KCNMB2: variants seen among roughly 807,000 people sequenced by gnomAD.
KCNMB2 encodes the protein calcium-activated potassium channel subunit beta-2.
Under a neutral mutation model 24.5 loss-of-function variants are expected in KCNMB2, and 9 were observed. The ratio of observed to expected loss-of-function variants is 0.37; its 90% confidence interval spans 0.22 to 0.64. KCNMB2 has a LOEUF of 0.64. Among genes scored for constraint, KCNMB2 ranks in the 30% least tolerant of loss-of-function variants. KCNMB2 has a pLI of 0.63. For missense variants in KCNMB2, 226 were observed against 284.3 expected (o/e 0.79, Z 1.47); for synonymous variants, 109 against 104.4 (o/e 1.04, Z -0.27).
chr3:178,808,922 G>A (rs182296248), intron 2 of KCNMB2, among the ~76,000 whole-genome samples: 4 of 152,192 alleles, frequency 2.6e-5, no homozygotes, highest in Admixed American at 2.0e-4. Flanking sequence ...TAGCCCAGAA[G>A]GCAAATAATG....
chr3:178,676,328 T>A (rs763867745), intron 1 of KCNMB2, among the ~76,000 whole-genome samples: 2 of 152,152 alleles, frequency 1.3e-5, no homozygotes, highest in Non-Finnish European at 2.9e-5. Flanking sequence ...TACAGTCTAA[T>A]CCTTGGCAGA....
chr3:178,779,005 G>A (rs1485179135), intron 1 of KCNMB2, among the ~76,000 whole-genome samples: 1 of 152,166 alleles, frequency 6.6e-6, no homozygotes, highest in Non-Finnish European at 1.5e-5. Context: ...TGAGGGGAAA[G>A]GATGAAGAAA....
intron 1 of KCNMB2, among the ~76,000 whole-genome samples, chr3:178,718,289 G>A (rs141139025): frequency 7.2e-5 from 11 of 152,276 alleles, no homozygotes; most frequent in South Asian, 4.1e-4. Context: ...CAGGTGTTAC[G>A]TTCCATTGCA....
chr3:178,540,465 T>C (rs1715579388), intron 1 of KCNMB2, among the ~76,000 whole-genome samples: 1 of 152,254 alleles, frequency 6.6e-6, no homozygotes, highest in African/African-American at 2.4e-5. Flanking sequence ...TCTTTCTGTA[T>C]GACTGCAGAC....
At chr3:178,725,912 A>G (rs1185391355) in intron 1 of KCNMB2, among the ~76,000 whole-genome samples, 1 of 151,688 alleles carries the variant, frequency 6.6e-6, no homozygotes, top group Non-Finnish European at 1.5e-5. Context: ...TCTATGTTTT[A>G]GTTGGTATAT....
At chr3:178,639,848 T>C (rs1049838864) in intron 1 of KCNMB2, among the ~76,000 whole-genome samples, 3 of 152,246 alleles carry the variant, frequency 2.0e-5, no homozygotes, top group African/African-American at 4.8e-5. Context: ...GTTTTTTCAA[T>C]TTTTAAATCA....
In KCNMB2 at chr3:178,828,621, G is replaced by A. The variant is rs531440371; in HGVS notation, c.423+248G>A. ...TTAGCTTTCACTTCCATTTGAAAGG[G>A]TAAATATTAATATATCTTTACACAA... On this transcript the variant is annotated intron_variant, in intron 4 of 4. Coordinates refer to ENST00000452583, the MANE Select transcript of KCNMB2 (RefSeq NM_181361.3). Among the ~76,000 whole-genome samples, 4 of 152,230 alleles carry A rather than the reference G, an allele frequency of 2.6e-5. No homozygotes were observed. The East Asian group carries it at 5.8e-4, about 22-fold the overall frequency.
intron 3 of KCNMB2, among the ~76,000 whole-genome samples, chr3:178,826,274 A>G (rs4257521): frequency 0.63 from 96,106 of 151,968 alleles, 31,856 homozygotes; most frequent in African/African-American, 0.83. Flanking sequence ...AAATGCTAAT[A>G]CCCAGCCCCC....
chr3:178,774,610 CTG>C (rs1212113737), intron 1 of KCNMB2, among the ~76,000 whole-genome samples: 4 of 152,176 alleles, frequency 2.6e-5, no homozygotes, highest in Non-Finnish European at 5.9e-5. Flanking sequence ...CTGGCCAGAT[CTG>C]TGTAACAGAA....
intron 4 of KCNMB2, among the ~76,000 whole-genome samples, chr3:178,835,854 A>T (rs926652534): frequency 6.6e-6 from 1 of 151,922 alleles, no homozygotes; most frequent in Non-Finnish European, 1.5e-5. Flanking sequence ...TTCTCAATTC[A>T]TTTCATCACC....
chr3:178,794,928 A>G (rs142737846), intron 1 of KCNMB2, among the ~76,000 whole-genome samples: 119 of 152,280 alleles, frequency 7.8e-4, no homozygotes, highest in African/African-American at 2.7e-3. Context: ...ATGCCTGGCT[A>G]TTGTGGGAGA....
chr3:178,717,083 T>A (rs965957309), intron 1 of KCNMB2, among the ~76,000 whole-genome samples: 19 of 151,146 alleles, frequency 1.3e-4, no homozygotes, highest in African/African-American at 4.6e-4. Context: ...ACTATTCAAG[T>A]TCCAACATGT....
intron 1 of KCNMB2, among the ~76,000 whole-genome samples, chr3:178,783,920 G>A (rs969378555): frequency 3.0e-4 from 45 of 152,166 alleles, no homozygotes; most frequent in Non-Finnish European, 6.3e-4. Flanking sequence ...TATGATATTG[G>A]CTGTGGGTTT....
At chr3:178,743,007 C>T (rs113330274) in intron 1 of KCNMB2, among the ~76,000 whole-genome samples, 1 of 152,084 alleles carries the variant, frequency 6.6e-6, no homozygotes, top group East Asian at 1.9e-4. Context: ...ACAAGAAACA[C>T]TATTTTGAGG....
intron 1 of KCNMB2, among the ~76,000 whole-genome samples, chr3:178,804,567 A>G (rs1713892102): frequency 6.6e-6 from 1 of 152,168 alleles, no homozygotes; most frequent in African/African-American, 2.4e-5. Flanking sequence ...TATATATTTA[A>G]TCTCCCTCTT....
chr3:178,622,753 C>A (rs978047389), intron 1 of KCNMB2, among the ~76,000 whole-genome samples: 4 of 152,172 alleles, frequency 2.6e-5, no homozygotes, highest in Non-Finnish European at 5.9e-5. Context: ...TCCAGGCGCC[C>A]CTGCTGACTT....
At chr3:178,833,163 A>C (rs1452841493) in intron 4 of KCNMB2, among the ~76,000 whole-genome samples, 4 of 152,134 alleles carry the variant, frequency 2.6e-5, no homozygotes, top group Non-Finnish European at 4.4e-5. Context: ...GGACCTATCT[A>C]TTTCAGGCTG....
chr3:178,650,917 A>G (rs1175088831), intron 1 of KCNMB2, among the ~76,000 whole-genome samples: 2 of 152,242 alleles, frequency 1.3e-5, no homozygotes, highest in Admixed American at 6.5e-5. Flanking sequence ...TCTCAAAATT[A>G]TAAGAGCTAT....
intron 1 of KCNMB2, among the ~76,000 whole-genome samples, chr3:178,797,068 T>G (rs1210906327): frequency 6.6e-6 from 1 of 152,072 alleles, no homozygotes; most frequent in Non-Finnish European, 1.5e-5. Flanking sequence ...CACCTGATAC[T>G]GCAGAAATTC....
Sources: gnomAD v4.1 joint callset for allele counts (sites outside exome capture counted in the v4.1 genomes callset) on GRCh38, gnomAD v4.1.1 for gene constraint, MANE v1.5 for transcripts, NCBI Gene and HGNC (gene_info 2026-07-23, HGNC 2026-07-21) for gene names.